The following SLC30A3 variants were observed in gnomAD, a reference collection of about 807,000 sequenced individuals.
SLC30A3 encodes the protein probable proton-coupled zinc antiporter SLC30A3.
Under a neutral mutation model 35.6 loss-of-function variants are expected in SLC30A3, and 20 were observed. The ratio of observed to expected loss-of-function variants is 0.56; its 90% CI spans 0.39 to 0.82. SLC30A3 has a LOEUF of 0.82. SLC30A3 is among the 40% of genes least tolerant of loss of function. The pLI is 0.00. For missense variants in SLC30A3, 401 were observed against 530.6 expected, an observed-to-expected ratio of 0.76 and a Z score of 2.40; for synonymous variants, 217 against 224.7, an observed-to-expected ratio of 0.97 and a Z score of 0.31.
At chr2:27,260,033 G>A (rs190275567) in intron 1 of SLC30A3, among the ~76,000 whole-genome samples, 8 of 152,258 alleles carry the variant, frequency 5.3e-5, no homozygotes, top group Admixed American at 2.6e-4. Context: ...TGCCAGGCAC[G>A]CCAAGGCAGT....
intron 1 of SLC30A3, among the ~76,000 whole-genome samples, chr2:27,268,662 A>C (rs2148149939): frequency 6.6e-6 from 1 of 151,954 alleles, no homozygotes; most frequent in South Asian, 2.1e-4. Flanking sequence ...CTGAGGCAGG[A>C]GAATGGCGTG....
intron 1 of SLC30A3, among the ~76,000 whole-genome samples, chr2:27,272,860 T>C (rs1677784111): frequency 6.6e-6 from 1 of 151,532 alleles, no homozygotes; most frequent in South Asian, 2.1e-4. Flanking sequence ...AAGACCAGCC[T>C]GGGCAACATG....
Position 27,270,714 on chromosome 2 carries a change from G to T in SLC30A3, c.-159+4463C>A, listed in dbSNP as rs147518092. On this transcript the variant is annotated intron_variant, in intron 1 of 5. Coordinates refer to the SLC30A3 transcript ENST00000424577. ...CTAGTGTTGGGTCTGCAAAGTTTGG[G>T]GTTGCAGGTCAGAGAGGACAGGGAC... is the stretch of plus-strand genomic sequence containing the variant. 3.8e-3 allele frequency among the ~76,000 whole-genome samples: 586 copies of T among 152,252 alleles called. 4 individuals are homozygous for T. The highest frequency in any genetic ancestry group is 0.014 in the African/African-American group (566 of 41,540).
Position 27,271,150 on chromosome 2 carries a change from T to C in SLC30A3, c.-159+4027A>G, listed in dbSNP as rs1677712228. Among the ~76,000 whole-genome samples the C allele has an allele frequency of 6.6e-6, 1 of 152,168 alleles. No homozygotes were observed. Among genetic ancestry groups the C allele is most frequent in the Non-Finnish European group, 1.5e-5 (1 of 68,028 alleles). On this transcript the variant is annotated intron_variant, in intron 1 of 5. Transcript: ENST00000424577. This position sits in a 1 kb window ranked among gnomAD's most constrained non-coding sequence, Gnocchi z 4.3. ...CCCTTCCAGCTCAAAAACTGTACAA[T>C]TTGAGAACCTGGTGGTTGAATGTGA...
At position 27,258,370 on chromosome 2, in the gene SLC30A3, A is replaced by T; in HGVS notation, c.278-63T>A. 1 of 1,452,266 alleles carries T rather than the reference A, an allele frequency of 6.9e-7. No homozygotes were observed. Among genetic ancestry groups the T allele is most frequent in the South Asian group, 1.5e-5 (1 of 65,202 alleles). The allele number at this position is 1,452,266 out of a possible 1,614,324, so 90.0% of individuals were successfully genotyped here. A position where few individuals can be genotyped will look rare whatever the true frequency, so the allele number is the denominator to read the frequency against. On this transcript the variant is annotated intron_variant, in intron 2 of 7. Transcript: ENST00000233535. The surrounding 1 kb of genome is among the most constrained non-coding windows in gnomAD (Gnocchi z 4.0). Reference sequence around the variant, plus strand: ...AAAATATCATGTAGTGTGTATAGGCATGGAAAATAAATTGGGGGATATACA... The same window carrying T: ...AAAATATCATGTAGTGTGTATAGGCTTGGAAAATAAATTGGGGGATATACA...
At chr2:27,267,008 G>C (rs1168181922), upstream of SLC30A3, among the ~76,000 whole-genome samples, 3 of 152,108 alleles carry the variant, frequency 2.0e-5, no homozygotes, top group Non-Finnish European at 2.9e-5. Context: ...CTTATTGTCT[G>C]GTAGGCAGGC....
In SLC30A3 at chr2:27,257,729, G is replaced by A; in HGVS notation, c.578+176C>T. 1.5e-6 allele frequency: 1 copy of A among 657,960 alleles called. No homozygotes were observed. Among genetic ancestry groups the A allele is most frequent in the Non-Finnish European group, 2.6e-6 (1 of 388,424 alleles). The allele number at this position is 657,960 out of a possible 1,614,324, so 40.8% of individuals were successfully genotyped here. A position where few individuals can be genotyped will look rare whatever the true frequency, so the allele number is the denominator to read the frequency against. On this transcript the variant is annotated intron_variant, in intron 4 of 7. Coordinates refer to ENST00000233535, the MANE Select transcript of SLC30A3 (RefSeq NM_003459.5). The surrounding 1 kb of genome is among the most constrained non-coding windows in gnomAD (Gnocchi z 4.7). ...GGCAGGCCCTTGACAGAGATCTGCTGACTGAATTTTAGGTCTCTATCCCAG... is the reference window on the plus strand; with the variant it reads ...GGCAGGCCCTTGACAGAGATCTGCTAACTGAATTTTAGGTCTCTATCCCAG...
chr2:27,263,028 TG>T lies in SLC30A3; in HGVS notation c.-123del. The T allele has an allele frequency of 7.2e-7, 1 of 1,385,956 alleles. No individual in the cohort carries two copies. Among genetic ancestry groups the T allele is most frequent in the Non-Finnish European group, 9.3e-7 (1 of 1,076,814 alleles). The allele number at this position is 1,385,956 out of a possible 1,614,324, so 85.9% of individuals were successfully genotyped here. A position where few individuals can be genotyped will look rare whatever the true frequency, so the allele number is the denominator to read the frequency against. ...CCGCAGGGCGGCGGGGCCACCAGAG[TG>T]GAGCGAACTGCAGCGACTGTGGCGC... On this transcript the variant is annotated 5_prime_UTR_variant, in exon 1 of 8. Coordinates refer to ENST00000233535, the MANE Select transcript of SLC30A3 (RefSeq NM_003459.5).
At position 27,271,051 on chromosome 2, in the gene SLC30A3, C is replaced by A. The variant is rs116949652; in HGVS notation, c.-159+4126G>T. The stretch of plus-strand genomic sequence containing the variant: ...TCTCACTAGATAACCTTAAGCAGGT[C>A]AATCCGCCTTTCTGGGCTGCACTTT... On this transcript the variant is annotated intron_variant, in intron 1 of 5. Transcript: ENST00000424577. The surrounding 1 kb of genome is among the most constrained non-coding windows in gnomAD (Gnocchi z 4.3). 2.6e-4 allele frequency among the ~76,000 whole-genome samples: 40 copies of A among 152,250 alleles called. No homozygotes were observed. The East Asian group carries it at 7.7e-3, about 29-fold the overall frequency.
Position 27,257,064 on chromosome 2 carries a change from G to A in SLC30A3, c.777+90C>T. The A allele has an allele frequency of 7.5e-7, 1 of 1,329,016 alleles. No individual in the cohort carries two copies. The highest frequency in any genetic ancestry group is 1.1e-6 in the Non-Finnish European group (1 of 923,938). The allele number at this position is 1,329,016 out of a possible 1,614,324, so 82.3% of individuals were successfully genotyped here. The stretch of plus-strand genomic sequence containing the variant: ...GGAGGTGGGAGGGAGGAGCTGGAGG[G>A]AGGAGGAAGGAAGCTTTGGGACCTG... On this transcript the variant is annotated intron_variant, in intron 5 of 7. Transcript: ENST00000233535. This position sits in a 1 kb window ranked among gnomAD's most constrained non-coding sequence, Gnocchi z 4.7.
intron 1 of SLC30A3, among the ~76,000 whole-genome samples, chr2:27,274,948 G>A (rs1166416903): frequency 6.6e-6 from 1 of 152,190 alleles, no homozygotes. Context: ...AATGAGACGT[G>A]CAAACTCATC....
intron 1 of SLC30A3, among the ~76,000 whole-genome samples, chr2:27,269,875 G>A (rs1677660209): frequency 6.6e-6 from 1 of 151,782 alleles, no homozygotes; most frequent in Admixed American, 6.6e-5. Context: ...AAATAAAAAA[G>A]AAGAAGAAGA....
chr2:27,256,919 C>T (rs1236441855), intron 5 of SLC30A3, 26 bp from the exon 6 acceptor site: 2 of 1,524,734 alleles, frequency 1.3e-6, no homozygotes, highest in East Asian at 4.5e-5. Flanking sequence ...CCCCTAAGCC[C>T]AACAACCAGG....
At chr2:27,275,111 G>T in intron 1 of SLC30A3, 1 of 1,104,250 alleles carries the variant, frequency 9.1e-7, no homozygotes, top group Non-Finnish European at 1.2e-6. Flanking sequence ...CAAGCGGAGA[G>T]CCCTAAGTCC....
rs780483066 is a variant in SLC30A3, at chr2:27,258,071, G to A, written c.425-13C>T. The stretch of plus-strand genomic sequence containing the variant: ...GCCCCCAGAGTCTCTGCGGGTGGGG[G>A]GGGAGACAAGCTGTCAGAGACCTGC... On this transcript the variant is annotated splice_polypyrimidine_tract_variant and intron_variant, in intron 3 of 7. Coordinates refer to ENST00000233535, the MANE Select transcript of SLC30A3 (RefSeq NM_003459.5). This position sits in a 1 kb window ranked among gnomAD's most constrained non-coding sequence, Gnocchi z 4.0. 10 of 1,613,402 alleles carry A rather than the reference G, an allele frequency of 6.2e-6. No homozygotes were observed. Among genetic ancestry groups the A allele is most frequent in the South Asian group, 1.1e-5 (1 of 91,080 alleles).
Position 27,258,744 on chromosome 2 carries a change from C to G in SLC30A3, c.277+9G>C. 6.2e-7 allele frequency: 1 copy of G among 1,614,018 alleles called. No individual in the cohort carries two copies. Among genetic ancestry groups the G allele is most frequent in the Non-Finnish European group, 8.5e-7 (1 of 1,179,974 alleles). Reference sequence around the variant, plus strand: ...GAGAATGGGGTTTAAGGGCTGCTCCCCAACTTACCGACCACCTCCCCAGCC... The same window carrying G: ...GAGAATGGGGTTTAAGGGCTGCTCCGCAACTTACCGACCACCTCCCCAGCC... On this transcript the variant is annotated intron_variant, in intron 2 of 7. Coordinates refer to ENST00000233535, the MANE Select transcript of SLC30A3 (RefSeq NM_003459.5). The surrounding 1 kb of genome is among the most constrained non-coding windows in gnomAD (Gnocchi z 4.0).
chr2:27,256,155 G>A, intron 7 of SLC30A3: 2 of 566,078 alleles, frequency 3.5e-6, no homozygotes, highest in South Asian at 4.4e-5. Flanking sequence ...CAAAGAGGGT[G>A]AAACTGCCCC....
upstream of SLC30A3, chr2:27,263,143 C>T (rs1677315020): frequency 2.3e-6 from 3 of 1,327,066 alleles, no homozygotes; most frequent in Non-Finnish European, 2.9e-6. Context: ...GCTCCCCGGC[C>T]TCTCCCCACC....
Position 27,257,447 on chromosome 2 carries a change from G to A in SLC30A3, c.579-95C>T. ...TCACCTCCCCAGTAGCCCTTTCCCA[G>A]CCCCTGGAAGAAAACAGCATTTTGC... is the stretch of plus-strand genomic sequence containing the variant. On this transcript the variant is annotated intron_variant, in intron 4 of 7. Transcript: ENST00000233535. This position sits in a 1 kb window ranked among gnomAD's most constrained non-coding sequence, Gnocchi z 4.7. 2 of 1,204,276 alleles carry A rather than the reference G, an allele frequency of 1.7e-6. No homozygotes were observed. The highest frequency in any genetic ancestry group is 2.4e-6 in the Non-Finnish European group (2 of 845,356). 74.6% of individuals were successfully genotyped at this position (1,204,276 alleles called of 1,614,324 possible). A position where few individuals can be genotyped will look rare whatever the true frequency, so the allele number is the denominator to read the frequency against.
Sources: gnomAD v4.1 joint callset for allele counts (sites outside exome capture counted in the v4.1 genomes callset) on GRCh38, gnomAD v4.1.1 for gene constraint, Gnocchi (gnomAD v3.1) non-coding constraint, MANE v1.5 for transcripts, NCBI Gene and HGNC (gene_info 2026-07-23, HGNC 2026-07-21) for gene names.